The following NAPB variants were observed in gnomAD, a reference collection of about 807,000 sequenced individuals.
NAPB encodes the protein NSF attachment protein beta.
Under a neutral mutation model 44.7 loss-of-function variants are expected in NAPB, and 26 were observed. The observed-to-expected ratio is 0.58, with a 90% CI of 0.43 to 0.81. The LOEUF (loss-of-function observed/expected upper bound fraction) is 0.81. Among genes scored for constraint, NAPB ranks in the 30% least tolerant of loss-of-function variants. The pLI, the probability that NAPB is intolerant of heterozygous loss-of-function variation, is 0.00. For missense variants in NAPB, 315 were observed against 356.4 expected (o/e 0.88, Z 0.94); for synonymous variants, 120 against 116.8 (o/e 1.03, Z -0.18).
At chr20:23,411,679 G>C (rs2123252158) in intron 1 of NAPB, among the ~76,000 whole-genome samples, 1 of 152,228 alleles carries the variant, frequency 6.6e-6, no homozygotes. Flanking sequence ...TGTAGAACGT[G>C]CTCACTGAGA....
At chr20:23,413,730 G>T (rs1985811940) in intron 1 of NAPB, among the ~76,000 whole-genome samples, 2 of 152,130 alleles carry the variant, frequency 1.3e-5, no homozygotes, top group South Asian at 4.1e-4. Context: ...TAGATAAAAT[G>T]AATTATTTCC....
intron 1 of NAPB, among the ~76,000 whole-genome samples, chr20:23,413,919 ACAT>A (rs1036976923): frequency 7.9e-5 from 12 of 152,154 alleles, no homozygotes; most frequent in African/African-American, 2.9e-4. Flanking sequence ...AAAAAGAAAA[ACAT>A]CCACATTATT....
At chr20:23,388,168 C>G (rs944506994) in intron 7 of NAPB, among the ~76,000 whole-genome samples, 8 of 152,080 alleles carry the variant, frequency 5.3e-5, no homozygotes, top group Non-Finnish European at 1.2e-4. Flanking sequence ...CCTGGGTCTT[C>G]AGAATGCAGA....
Position 23,389,699 on chromosome 20 carries a change from G to A in NAPB, c.561+247C>T, listed in dbSNP as rs901950532. ...GAATAGAAAAATCCATATAGACAGA[G>A]AGTAGATTGTGTCTTCCAGGGACTA... On this transcript the variant is annotated intron_variant, in intron 7 of 10. Transcript: ENST00000377026. 7.2e-5 allele frequency among the ~76,000 whole-genome samples: 11 copies of A among 152,320 alleles called. No homozygotes were observed. The South Asian group carries it at 2.3e-3, about 32-fold the overall frequency.
intron 1 of NAPB, among the ~76,000 whole-genome samples, chr20:23,420,774 G>A (rs1056244884): frequency 6.6e-6 from 1 of 151,640 alleles, no homozygotes; most frequent in South Asian, 2.1e-4. Context: ...CGAGGGGGGC[G>A]ATCTGGGGTC....
At chr20:23,415,853 C>T (rs1985970901) in intron 1 of NAPB, among the ~76,000 whole-genome samples, 2 of 152,010 alleles carry the variant, frequency 1.3e-5, no homozygotes, top group African/African-American at 4.8e-5. Context: ...GTAGTCCTAG[C>T]TACTTGGGAG....
At chr20:23,403,958 C>T (rs73901859) in intron 1 of NAPB, among the ~76,000 whole-genome samples, 13,795 of 152,088 alleles carry the variant, frequency 0.091, 1,017 homozygotes, top group African/African-American at 0.2. Context: ...TTTAGAAATG[C>T]ATTTTGCAAC....
intron 5 of NAPB, among the ~76,000 whole-genome samples, chr20:23,391,196 A>G (rs1238958504): frequency 6.6e-6 from 1 of 152,166 alleles, no homozygotes; most frequent in Non-Finnish European, 1.5e-5. Flanking sequence ...CCGTAATCCC[A>G]GCTACTTGGG....
At chr20:23,399,261 C>T (rs964192180) in intron 2 of NAPB, among the ~76,000 whole-genome samples, 1 of 152,150 alleles carries the variant, frequency 6.6e-6, no homozygotes, top group Admixed American at 6.5e-5. Flanking sequence ...ATTTGTATTA[C>T]TGGAGCCTGA....
chr20:23,382,932 A>T (rs1052290634), intron 7 of NAPB, among the ~76,000 whole-genome samples: 1 of 152,192 alleles, frequency 6.6e-6, no homozygotes, highest in African/African-American at 2.4e-5. Flanking sequence ...AGGCAGGCGA[A>T]CCACTTGAGG....
intron 1 of NAPB, among the ~76,000 whole-genome samples, chr20:23,418,654 G>A (rs115331589): frequency 1.4e-4 from 21 of 152,152 alleles, no homozygotes; most frequent in African/African-American, 1.2e-4. Context: ...AAAGATCAAT[G>A]AGGCTGGGCG....
At chr20:23,420,793 G>A (rs1169217513) in intron 1 of NAPB, among the ~76,000 whole-genome samples, 1 of 139,712 alleles carries the variant, frequency 7.2e-6, no homozygotes, top group Non-Finnish European at 1.5e-5. Flanking sequence ...TCTCCAGAGG[G>A]CGCGTGAGGC....
intron 7 of NAPB, 92 bp from the exon 8 acceptor site, chr20:23,381,409 T>A: frequency 1.4e-6 from 1 of 731,044 alleles, no homozygotes; most frequent in South Asian, 2.0e-5. Flanking sequence ...AAAATAATTA[T>A]GTATCTTATG....
At position 23,377,356 on chromosome 20, in the gene NAPB, G is replaced by A; in HGVS notation, c.*20C>T. The A allele has an allele frequency of 1.3e-6, 2 of 1,513,036 alleles. No homozygotes were observed. The highest frequency in any genetic ancestry group is 9.1e-7 in the Non-Finnish European group (1 of 1,100,606). The allele number at this position is 1,513,036 out of a possible 1,614,324, so 93.7% of individuals were successfully genotyped here. ...AAAACTAAAGAGGAGTTAGCTGCAT[G>A]CCACAAAGACAAAAACATTTCATTT... On this transcript the variant is annotated 3_prime_UTR_variant, in exon 11 of 11. Coordinates refer to ENST00000377026, the MANE Select transcript of NAPB (RefSeq NM_022080.3).
chr20:23,384,693 A>G (rs1361014535), intron 7 of NAPB, among the ~76,000 whole-genome samples: 2 of 152,214 alleles, frequency 1.3e-5, no homozygotes, highest in African/African-American at 4.8e-5. Context: ...CAGAGAAACA[A>G]AAAGCAAAGA....
chr20:23,390,292 A>G (rs749136272), intron 5 of NAPB, 28 bp from the exon 6 acceptor site: 71 of 1,575,922 alleles, frequency 4.5e-5, no homozygotes, highest in Admixed American at 1.5e-4. Flanking sequence ...TTATTCACAC[A>G]CAATTTATTT....
At chr20:23,391,033 G>A (rs550874161) in intron 5 of NAPB, among the ~76,000 whole-genome samples, 6 of 152,122 alleles carry the variant, frequency 3.9e-5, no homozygotes, top group Admixed American at 6.5e-5. Flanking sequence ...AACTGGTGTC[G>A]GCCAGGTGCG....
chr20:23,412,264 ATCAG>A lies in NAPB; in HGVS notation c.98+9037_98+9040del, dbSNP rs543234838. ...CAGAAGTGCCTTCCACTCATACTTC[ATCAG>A]TCAAAGTCAGTCACATGGCCACAAC... On this transcript the variant is annotated intron_variant, in intron 1 of 10. Transcript: ENST00000377026. 9.0e-4 allele frequency among the ~76,000 whole-genome samples: 137 copies of A among 152,312 alleles called. 1 individual carries two copies. The highest frequency in any genetic ancestry group is 3.4e-3 in the Middle Eastern group (1 of 294).
chr20:23,410,692 G>A (rs1985593282), intron 1 of NAPB, among the ~76,000 whole-genome samples: 1 of 151,660 alleles, frequency 6.6e-6, no homozygotes, highest in South Asian at 2.1e-4. Context: ...AATAAAAGTT[G>A]TAAAAAAGGA....
Sources: gnomAD v4.1 joint callset for allele counts (sites outside exome capture counted in the v4.1 genomes callset) on GRCh38, gnomAD v4.1.1 for gene constraint, MANE v1.5 for transcripts, NCBI Gene and HGNC (gene_info 2026-07-23, HGNC 2026-07-21) for gene names.